Variants in TEAD1 observed in about 807,000 individuals in gnomAD.
TEAD1 encodes transcriptional enhancer factor TEF-1.
Under a neutral mutation model 54.9 loss-of-function variants are expected in TEAD1, and 9 were observed. The observed-to-expected ratio is 0.16, with a 90% CI of 0.10 to 0.29. TEAD1 has a LOEUF of 0.29. Among genes scored for constraint, TEAD1 ranks in the 10% least tolerant of loss-of-function variants. The pLI, the probability that TEAD1 is intolerant of heterozygous loss-of-function variation, is 1.00. For missense variants in TEAD1, 387 were observed against 535.9 expected, an observed-to-expected ratio of 0.72 and a Z score of 2.74; for synonymous variants, 200 against 187.8, an observed-to-expected ratio of 1.07 and a Z score of -0.53.
intron 3 of TEAD1, among the ~76,000 whole-genome samples, chr11:12,841,626 T>C (rs1393625682): frequency 1.3e-5 from 2 of 152,166 alleles, no homozygotes; most frequent in Non-Finnish European, 2.9e-5. Context: ...TTGGGAGATA[T>C]GCCATCTTCC....
rs184756224 is a variant in TEAD1, at chr11:12,685,543, C to T, written c.-55+9982C>T. On this transcript the variant is annotated intron_variant, in intron 2 of 12. Coordinates refer to ENST00000527636, the MANE Select transcript of TEAD1 (RefSeq NM_021961.6). ...TTTTCGGTGATCGAGTGATTAAAAACTGATAATCAGACCTAATAAGAAGAG... is the reference window on the plus strand; with the variant it reads ...TTTTCGGTGATCGAGTGATTAAAAATTGATAATCAGACCTAATAAGAAGAG... 2.4e-4 allele frequency among the ~76,000 whole-genome samples: 37 copies of T among 152,252 alleles called. 1 individual carries two copies. Among genetic ancestry groups the T allele is most frequent in the Non-Finnish European group, 1.2e-4 (8 of 68,012 alleles).
intron 3 of TEAD1, among the ~76,000 whole-genome samples, chr11:12,824,782 C>T (rs575467747): frequency 7.9e-5 from 12 of 152,200 alleles, no homozygotes; most frequent in East Asian, 3.9e-4. Flanking sequence ...TTGATGGGGC[C>T]GGGCTCCTGG....
In TEAD1 at chr11:12,721,850, C is replaced by G. The variant is rs1047996721; in HGVS notation, c.-54-42329C>G. Among the ~76,000 whole-genome samples the G allele has an allele frequency of 2.0e-5, 3 of 152,336 alleles. No individual in the cohort carries two copies. The South Asian group carries it at 6.2e-4, about 32-fold the overall frequency. On this transcript the variant is annotated intron_variant, in intron 2 of 12. Transcript: ENST00000527636. Reference sequence around the variant, plus strand: ...CCGCCCCACTGTCCAGCAGGTTTTCCTGTTGATAGGACAGTGGACGTATGA... The same window carrying G: ...CCGCCCCACTGTCCAGCAGGTTTTCGTGTTGATAGGACAGTGGACGTATGA...
chr11:12,852,317 G>C lies in TEAD1; in HGVS notation c.203-9933G>C, dbSNP rs1222564713. On this transcript the variant is annotated intron_variant, in intron 3 of 12. Coordinates refer to ENST00000527636, the MANE Select transcript of TEAD1 (RefSeq NM_021961.6). ...AGGCAACATAACTAGATGTGGAGGT[G>C]AAAGAAAAGACAAATGCCTGCAAGA... Among the ~76,000 whole-genome samples the C allele has an allele frequency of 4.1e-4, 63 of 152,268 alleles. 1 individual carries two copies. Among genetic ancestry groups the C allele is most frequent in the African/African-American group, 1.5e-3 (61 of 41,562 alleles).
intron 2 of TEAD1, among the ~76,000 whole-genome samples, chr11:12,746,721 CAGGCCCACTGTTATTTTT>C (rs1187324883): frequency 6.6e-6 from 1 of 152,220 alleles, no homozygotes; most frequent in African/African-American, 2.4e-5. Flanking sequence ...GTGGTTTAGG[CAGGCCCACTGTTATTTTT>C]GTGGTAACCT....
chr11:12,836,823 A>G (rs1202590305), intron 3 of TEAD1, among the ~76,000 whole-genome samples: 1 of 152,202 alleles, frequency 6.6e-6, no homozygotes, highest in Admixed American at 6.5e-5. Context: ...CGGACTTAGC[A>G]GGGTAAAAGT....
rs761251597 is a variant in TEAD1, at chr11:12,734,208, C to T, written c.-54-29971C>T. ...TGGGATTACATTGTGAGCCCCTGTG[C>T]CCAGTTATGTCTTTGTTTTTGAAAA... On this transcript the variant is annotated intron_variant, in intron 2 of 12. Transcript: ENST00000527636. Among the ~76,000 whole-genome samples the T allele has an allele frequency of 3.8e-4, 57 of 151,970 alleles. 1 individual carries two copies. The highest frequency in any genetic ancestry group is 1.6e-3 in the Admixed American group (24 of 15,258).
intron 3 of TEAD1, among the ~76,000 whole-genome samples, chr11:12,817,613 C>A (rs1219532640): frequency 6.6e-6 from 1 of 152,086 alleles, no homozygotes; most frequent in Admixed American, 6.6e-5. Flanking sequence ...TTATGAAAAG[C>A]TTTTCATAGT....
At chr11:12,878,844 C>G in intron 5 of TEAD1, 1 of 1,246,036 alleles carries the variant, frequency 8.0e-7, no homozygotes, top group Non-Finnish European at 1.0e-6. Context: ...AAAAAAATCC[C>G]TTTTTATGCA....
chr11:12,892,499 C>T (rs1026228674), intron 9 of TEAD1, among the ~76,000 whole-genome samples: 1 of 152,084 alleles, frequency 6.6e-6, no homozygotes, highest in Non-Finnish European at 1.5e-5. Flanking sequence ...CAAAAATTAG[C>T]TGGGCATGAT....
intron 2 of TEAD1, among the ~76,000 whole-genome samples, chr11:12,701,919 G>C (rs1452002261): frequency 6.6e-6 from 1 of 152,204 alleles, no homozygotes; most frequent in African/African-American, 2.4e-5. Context: ...AAGAGTGGCA[G>C]GATTATGCAG....
Position 12,726,464 on chromosome 11 carries a change from G to A in TEAD1, c.-54-37715G>A, listed in dbSNP as rs117687558. 3.3e-3 allele frequency among the ~76,000 whole-genome samples: 510 copies of A among 152,302 alleles called. 10 individuals carry two copies. The East Asian group carries it at 0.048, about 14-fold the overall frequency. ...ACTGGGGGAGTCACCAACCTTGTGC[G>A]CTATTCAGCACTAGGAAGGTGGCTA... is the stretch of plus-strand genomic sequence containing the variant. On this transcript the variant is annotated intron_variant, in intron 2 of 12. Transcript: ENST00000527636.
At chr11:12,800,555 A>G (rs1946034591) in intron 3 of TEAD1, among the ~76,000 whole-genome samples, 2 of 152,216 alleles carry the variant, frequency 1.3e-5, no homozygotes, top group Admixed American at 6.5e-5. Context: ...AAGCATATCA[A>G]TCAGGGAATT....
intron 2 of TEAD1, among the ~76,000 whole-genome samples, chr11:12,748,529 T>C (rs917411768): frequency 1.3e-5 from 2 of 152,202 alleles, no homozygotes; most frequent in Non-Finnish European, 2.9e-5. Flanking sequence ...ATCTGCTGAA[T>C]GACTTCAAGT....
intron 3 of TEAD1, among the ~76,000 whole-genome samples, chr11:12,824,352 G>A (rs1161152134): frequency 6.6e-6 from 1 of 152,198 alleles, no homozygotes; most frequent in African/African-American, 2.4e-5. Context: ...TGTGCTCCAG[G>A]CTGGAAGTTG....
At chr11:12,776,775 A>G (rs926093050) in intron 3 of TEAD1, among the ~76,000 whole-genome samples, 3 of 125,464 alleles carry the variant, frequency 2.4e-5, no homozygotes, top group African/African-American at 1.5e-4. Context: ...TATTATTATT[A>G]TTATTATTAT....
intron 6 of TEAD1, 82 bp from the exon 7 acceptor site, chr11:12,880,923 C>G: frequency 6.8e-7 from 1 of 1,481,064 alleles, no homozygotes; most frequent in South Asian, 1.1e-5. Context: ...TGTCTTTTAG[C>G]AGGGGTTGTG....
At chr11:12,748,800 G>T (rs1002688770) in intron 2 of TEAD1, among the ~76,000 whole-genome samples, 3 of 151,802 alleles carry the variant, frequency 2.0e-5, no homozygotes, top group African/African-American at 4.8e-5. Context: ...GAAATGGTGC[G>T]GTCCTTTCCT....
At chr11:12,832,560 T>C (rs978134202) in intron 3 of TEAD1, among the ~76,000 whole-genome samples, 23 of 152,210 alleles carry the variant, frequency 1.5e-4, no homozygotes, top group African/African-American at 5.1e-4. Flanking sequence ...GCTCAAAACT[T>C]TCCTATTGAC....
Sources: allele counts gnomAD v4.1 joint callset (sites outside exome capture counted in the v4.1 genomes callset), GRCh38; gene constraint gnomAD v4.1.1; transcripts MANE v1.5; gene names NCBI Gene and HGNC (gene_info 2026-07-23, HGNC 2026-07-21).